The following ZFP90 variants were observed in gnomAD, a reference collection of about 807,000 sequenced individuals.
ZFP90 encodes ZFP90 zinc finger protein, also known as zinc finger protein 90 homolog.
ZFP90 carries 38 observed loss-of-function variants against 60.8 expected under a neutral mutation model. The observed-to-expected ratio is 0.62, with a 90% CI of 0.48 to 0.82. ZFP90 has a LOEUF of 0.82. ZFP90 is among the 40% of genes least tolerant of loss of function. ZFP90 has a pLI of 0.00. For missense variants in ZFP90, 711 were observed against 759.1 expected (o/e 0.94, Z 0.74); for synonymous variants, 287 against 264.8 (o/e 1.08, Z -0.82).
At chr16:68,559,995 A>G (rs976784750) in intron 4 of ZFP90, among the ~76,000 whole-genome samples, 1 of 152,156 alleles carries the variant, frequency 6.6e-6, no homozygotes, top group Non-Finnish European at 1.5e-5. Context: ...TTGCTTCCCA[A>G]AGTGTTGGGA....
At chr16:68,572,145 A>G (rs989271125) in intron 2 of ZFP90, among the ~76,000 whole-genome samples, 8 of 151,228 alleles carry the variant, frequency 5.3e-5, no homozygotes, top group African/African-American at 1.9e-4. Flanking sequence ...AGCTAGGACT[A>G]CAGGTGCATG....
intron 2 of ZFP90, among the ~76,000 whole-genome samples, chr16:68,545,807 T>C (rs1035597534): frequency 1.3e-5 from 2 of 152,176 alleles, no homozygotes; most frequent in African/African-American, 4.8e-5. Flanking sequence ...TGAGCGAGAC[T>C]CCGTCTCAAA....
chr16:68,560,284 C>G (rs1361208166), intron 4 of ZFP90, among the ~76,000 whole-genome samples: 1 of 152,138 alleles, frequency 6.6e-6, no homozygotes, highest in Non-Finnish European at 1.5e-5. Context: ...CAGTTACTCC[C>G]CATTCCCCAC....
intron 2 of ZFP90, among the ~76,000 whole-genome samples, chr16:68,573,318 G>T (rs2091577393): frequency 6.6e-6 from 1 of 152,192 alleles, no homozygotes; most frequent in Non-Finnish European, 1.5e-5. Context: ...GCTGGACCCA[G>T]GGGTGCCATC....
chr16:68,566,366 A>C lies in ZFP90; in HGVS notation c.*1668A>C. 1 of 985,518 alleles carries C rather than the reference A, an allele frequency of 1.0e-6. No individual in the cohort carries two copies. Among genetic ancestry groups the C allele is most frequent in the Non-Finnish European group, 1.2e-6 (1 of 829,924 alleles). 61.0% of individuals were successfully genotyped at this position (985,518 alleles called of 1,614,324 possible). A position where few individuals can be genotyped will look rare whatever the true frequency, so the allele number is the denominator to read the frequency against. Reference sequence around the variant, plus strand: ...ATAAATTTTCCCAGCCCTAAATATGAATCATGGGGCAAGATATTGGTCGTA... The same window carrying C: ...ATAAATTTTCCCAGCCCTAAATATGCATCATGGGGCAAGATATTGGTCGTA... On this transcript the variant is annotated 3_prime_UTR_variant, in exon 5 of 5. Coordinates refer to ENST00000563169, the MANE Select transcript of ZFP90 (RefSeq NM_001305203.2).
chr16:68,557,894 A>C, intron 2 of ZFP90, 104 bp from the exon 3 acceptor site: 1 of 1,492,330 alleles, frequency 6.7e-7, no homozygotes, highest in Non-Finnish European at 9.2e-7. Context: ...CAATCTAACA[A>C]ATGTGTGATC....
At chr16:68,568,575 T>C (rs780716462), downstream of ZFP90, among the ~76,000 whole-genome samples, 31 of 152,200 alleles carry the variant, frequency 2.0e-4, no homozygotes, top group Non-Finnish European at 3.5e-4. Flanking sequence ...TTCTCCCTTG[T>C]GAGGAAAAGA....
chr16:68,558,164 C>T (rs2152070723), intron 3 of ZFP90, 40 bp downstream of exon 3: 1 of 1,604,768 alleles, frequency 6.2e-7, no homozygotes, highest in Non-Finnish European at 8.5e-7. Context: ...TGCTGATGGG[C>T]CTTTCCTTCC....
intron 2 of ZFP90, chr16:68,575,649 GATCA>G (rs2091590646): frequency 2.8e-6 from 1 of 358,018 alleles, no homozygotes; most frequent in African/African-American, 2.1e-5. Context: ...GAAGGTTAGT[GATCA>G]ATCAGAGGAA....
At chr16:68,544,973 G>A (rs1293562733) in intron 2 of ZFP90, among the ~76,000 whole-genome samples, 2 of 138,990 alleles carry the variant, frequency 1.4e-5, no homozygotes, top group Admixed American at 8.1e-5. Context: ...TCCGCCTCCC[G>A]GGTTCAAGCG....
At chr16:68,543,294 T>C (rs1457076300) in intron 2 of ZFP90, among the ~76,000 whole-genome samples, 1 of 152,152 alleles carries the variant, frequency 6.6e-6, no homozygotes, top group Non-Finnish European at 1.5e-5. Flanking sequence ...TTTTAAAAGA[T>C]TGCCATGAAT....
chr16:68,574,995 A>G (rs1027146596), intron 2 of ZFP90, among the ~76,000 whole-genome samples: 1 of 152,148 alleles, frequency 6.6e-6, no homozygotes, highest in African/African-American at 2.4e-5. Context: ...GGTAGACTTA[A>G]TAATTACCCC....
At chr16:68,558,796 C>T (rs1200426044) in intron 4 of ZFP90, among the ~76,000 whole-genome samples, 5 of 152,128 alleles carry the variant, frequency 3.3e-5, no homozygotes, top group Admixed American at 3.3e-4. Flanking sequence ...TTAGAGATCC[C>T]TTCTCTTACT....
intron 2 of ZFP90, 133 bp from the exon 3 acceptor site, chr16:68,557,865 T>G (rs1473873752): frequency 1.9e-5 from 23 of 1,239,022 alleles, no homozygotes; most frequent in Non-Finnish European, 2.4e-5. Context: ...TAAGTTTATG[T>G]AACCCAACAT....
chr16:68,551,244 G>A (rs1298102150), intron 2 of ZFP90, among the ~76,000 whole-genome samples: 1 of 151,164 alleles, frequency 6.6e-6, no homozygotes, highest in African/African-American at 2.4e-5. Flanking sequence ...TCTCCAGGAG[G>A]TGTGAGATCT....
At chr16:68,549,737 C>T (rs2091224479) in intron 2 of ZFP90, among the ~76,000 whole-genome samples, 1 of 144,410 alleles carries the variant, frequency 6.9e-6, no homozygotes, top group South Asian at 2.2e-4. Context: ...GGCTACGGTT[C>T]TGAAATGGAG....
upstream of ZFP90, among the ~76,000 whole-genome samples, chr16:68,535,139 C>T (rs899127632): frequency 1.1e-4 from 16 of 152,130 alleles, no homozygotes; most frequent in Admixed American, 9.8e-4. Context: ...AAGGTAAGTT[C>T]TCCCAGACTG....
chr16:68,573,116 C>A (rs1254734681), intron 2 of ZFP90, among the ~76,000 whole-genome samples: 1 of 152,178 alleles, frequency 6.6e-6, no homozygotes, highest in Non-Finnish European at 1.5e-5. Context: ...AGATTGTGCT[C>A]TAAAACCCAG....
upstream of ZFP90, among the ~76,000 whole-genome samples, chr16:68,536,960 A>T (rs1304144857): frequency 6.6e-6 from 1 of 151,962 alleles, no homozygotes; most frequent in Non-Finnish European, 1.5e-5. Flanking sequence ...TACCTGCCCT[A>T]CCTCTGCTCT....
Sources: gnomAD v4.1 joint callset for allele counts (sites outside exome capture counted in the v4.1 genomes callset) on GRCh38, gnomAD v4.1.1 for gene constraint, MANE v1.5 for transcripts, NCBI Gene and HGNC (gene_info 2026-07-23, HGNC 2026-07-21) for gene names.